Variants in ATP2A2 observed in about 807,000 individuals in gnomAD.
ATP2A2 encodes the protein sarcoplasmic/endoplasmic reticulum calcium ATPase 2.
In ATP2A2, 14 loss-of-function variants were observed where a neutral mutation model predicts 109.3. The observed-to-expected ratio is 0.13, with a 90% confidence interval of 0.08 to 0.20. ATP2A2 has a LOEUF of 0.20. Ranked by LOEUF, ATP2A2 falls within the 10% of genes least tolerant of loss-of-function variation. ATP2A2 has a pLI of 1.00. For synonymous variants in ATP2A2, 506 were observed against 490.9 expected (o/e 1.03, Z -0.41); for missense variants, 657 against 1,321.6 (o/e 0.50, Z 7.80).
chr12:110,347,950 A>C lies in ATP2A2; in HGVS notation c.*1480A>C, dbSNP rs1382301675. ...ACCGGGGTTGCCTGTGGCGCCTGCC[A>C]TGTGACTCGGGCGCAGCATCAGCTG... On this transcript the variant is annotated 3_prime_UTR_variant, in exon 20 of 20. Transcript: ENST00000539276. 2 of 987,458 alleles carry C rather than the reference A, an allele frequency of 2.0e-6. No individual in the cohort carries two copies. Among genetic ancestry groups the C allele is most frequent in the Non-Finnish European group, 1.2e-6 (1 of 831,318 alleles). 61.2% of individuals were successfully genotyped at this position (987,458 alleles called of 1,614,324 possible). A position where few individuals can be genotyped will look rare whatever the true frequency, so the allele number is the denominator to read the frequency against.
chr12:110,295,256 A>G (rs779826476), intron 4 of ATP2A2, among the ~76,000 whole-genome samples: 9 of 152,138 alleles, frequency 5.9e-5, no homozygotes, highest in Admixed American at 6.5e-5. Flanking sequence ...TCTGCCTCGC[A>G]GGCTTAGTGA....
At chr12:110,335,277 G>A (rs780265086) in intron 11 of ATP2A2, among the ~76,000 whole-genome samples, 13 of 152,158 alleles carry the variant, frequency 8.5e-5, no homozygotes, top group South Asian at 4.1e-4. Context: ...ACTTTGCAAC[G>A]GCTGCTGGTG....
chr12:110,335,627 T>C (rs1360775194), intron 11 of ATP2A2, among the ~76,000 whole-genome samples: 1 of 152,206 alleles, frequency 6.6e-6, no homozygotes, highest in Non-Finnish European at 1.5e-5. Flanking sequence ...AGATAAGATG[T>C]TGCAATACAC....
rs1051124295 is a variant in ATP2A2, at chr12:110,286,149, C to T, written c.219+3354C>T. Among the ~76,000 whole-genome samples the T allele has an allele frequency of 2.0e-5, 3 of 152,112 alleles. No individual in the cohort carries two copies. The East Asian group carries it at 5.8e-4, about 29-fold the overall frequency. The stretch of plus-strand genomic sequence containing the variant: ...TTGTTGGCCAGGCTGGTCTCGAACT[C>T]CTGACCTCAGGTTATCACCTGCCTC... On this transcript the variant is annotated intron_variant, in intron 3 of 19. Transcript: ENST00000539276.
chr12:110,328,641 CACTT>C (rs1262957871), intron 8 of ATP2A2, among the ~76,000 whole-genome samples: 5 of 152,198 alleles, frequency 3.3e-5, no homozygotes, highest in African/African-American at 1.2e-4. Context: ...AGCTGTGGCT[CACTT>C]ACAGCCTCAA....
Position 110,344,920 on chromosome 12 carries a change from A to C in ATP2A2, c.2556A>C (p.Ala852=), listed in dbSNP as rs201414100. The part of the protein sequence containing the change: ...YVGAATVGAA[A]WWFIAADGGP... ...GCGCTGCTACCGTGGGTGCTGCTGC[A>C]TGGTGGTTCATTGCTGCTGACGGTG... The change falls in exon 17 of 20, where the codon GCA becomes GCC. Residue 852 remains alanine (A), a synonymous_variant. Coordinates refer to ENST00000539276, the MANE Select transcript of ATP2A2 (RefSeq NM_170665.4). 226 of 1,614,098 alleles carry C rather than the reference A, an allele frequency of 1.4e-4. No homozygotes were observed. Among genetic ancestry groups the C allele is most frequent in the Non-Finnish European group, 1.8e-4 (216 of 1,180,018 alleles).
chr12:110,336,257 G>T (rs1167390711), intron 11 of ATP2A2, among the ~76,000 whole-genome samples: 1 of 152,162 alleles, frequency 6.6e-6, no homozygotes, highest in Non-Finnish European at 1.5e-5. Flanking sequence ...AAGGGGAGAG[G>T]TTCTGCCTGC....
At position 110,345,068 on chromosome 12, in the gene ATP2A2, C is replaced by T. The variant is rs1043815861; in HGVS notation, c.2607+97C>T. The T allele has an allele frequency of 2.7e-6, 4 of 1,499,358 alleles. No individual in the cohort carries two copies. The African/African-American group carries it at 5.5e-5, about 21-fold the overall frequency. The allele number at this position is 1,499,358 out of a possible 1,614,324, so 92.9% of individuals were successfully genotyped here. ...GTATCTATCAAATCATCTTAAGACT[C>T]AGACAATAAACAGTTACATCTAAGA... On this transcript the variant is annotated intron_variant, in intron 17 of 19. Coordinates refer to ENST00000539276, the MANE Select transcript of ATP2A2 (RefSeq NM_170665.4).
rs2137865019 is a variant in ATP2A2, at chr12:110,343,376, G to C, written c.2463G>C (p.Arg821=). 4 of 1,614,138 alleles carry C rather than the reference G, an allele frequency of 2.5e-6. No individual in the cohort carries two copies. In the South Asian group the frequency reaches 4.4e-5, roughly 18 times the overall value. The change falls in exon 16 of 20, where the codon CGG becomes CGC. Residue 821 remains arginine, a synonymous_variant. Coordinates refer to ENST00000539276, the MANE Select transcript of ATP2A2 (RefSeq NM_170665.4). ...PDLDIMNKPP[R]NPKEPLISGW... is the part of the protein sequence containing the mutation. ...TGGACATCATGAATAAACCTCCCCGGAACCCAAAGGAACCATTGATCAGCG... is the reference window on the plus strand; with the variant it reads ...TGGACATCATGAATAAACCTCCCCGCAACCCAAAGGAACCATTGATCAGCG...
intron 3 of ATP2A2, among the ~76,000 whole-genome samples, chr12:110,286,149 C>G (rs1051124295): frequency 1.3e-5 from 2 of 152,112 alleles, no homozygotes; most frequent in Non-Finnish European, 2.9e-5. Context: ...GTCTCGAACT[C>G]CTGACCTCAG....
At chr12:110,308,889 CTGGAG>C (rs1875671173) in intron 5 of ATP2A2, among the ~76,000 whole-genome samples, 9 of 152,090 alleles carry the variant, frequency 5.9e-5, no homozygotes, top group Admixed American at 5.9e-4. Context: ...TGTTGGAAAA[CTGGAG>C]AGTGTTGTAA....
At position 110,349,303 on chromosome 12, in the gene ATP2A2, G is replaced by A. The variant is rs78135790; in HGVS notation, c.*2833G>A. The A allele has an allele frequency of 3.1e-4, 302 of 985,524 alleles. 1 individual carries two copies. The African/African-American group carries it at 4.8e-3, about 16-fold the overall frequency. 61.0% of individuals were successfully genotyped at this position (985,524 alleles called of 1,614,324 possible). A position where few individuals can be genotyped will look rare whatever the true frequency, so the allele number is the denominator to read the frequency against. ...AGTGAGGCAGCAGCTGCCCAGCCCC[G>A]CAATGTGCCTGCTGTCAGGCAGCTC... On this transcript the variant is annotated 3_prime_UTR_variant, in exon 20 of 20. Transcript: ENST00000539276.
Position 110,323,050 on chromosome 12 carries a change from A to G in ATP2A2, c.522A>G (p.Arg174=). The G allele has an allele frequency of 6.2e-7, 1 of 1,611,042 alleles. No homozygotes were observed. Among genetic ancestry groups the G allele is most frequent in the Non-Finnish European group, 8.5e-7 (1 of 1,177,178 alleles). The change falls in exon 6 of 20, where the codon AGA becomes AGG. Residue 174 remains arginine (R), a synonymous_variant. Transcript: ENST00000539276. ...RLTSIKSTTL[R]VDQSILTGES... ...CTTCCATCAAATCTACCACACTAAG[A>G]GTTGACCAGTCAATTCTCACAGGTA...
chr12:110,299,741 TC>T (rs1874351895), intron 5 of ATP2A2, among the ~76,000 whole-genome samples: 1 of 152,138 alleles, frequency 6.6e-6, no homozygotes, highest in Non-Finnish European at 1.5e-5. Flanking sequence ...CACCTCAGTC[TC>T]CTGAAAAACT....
intron 6 of ATP2A2, 120 bp downstream of exon 6, chr12:110,323,192 C>G: frequency 1.2e-6 from 1 of 825,404 alleles, no homozygotes; most frequent in Admixed American, 1.9e-5. Flanking sequence ...CTCTAAGATA[C>G]TTATTTCTTA....
chr12:110,347,175 T>TTA lies in ATP2A2; in HGVS notation c.*707_*708dup. On this transcript the variant is annotated 3_prime_UTR_variant, in exon 20 of 20. Transcript: ENST00000539276. The stretch of plus-strand genomic sequence containing the variant: ...TTGTTCCAGATTCAATCGACTGGGT[T>TTA]TATGTCCCTTCACATAGTTTTTAAG... The TTA allele has an allele frequency of 8.4e-7, 1 of 1,191,372 alleles. No homozygotes were observed. The highest frequency in any genetic ancestry group is 1.6e-5 in the South Asian group (1 of 63,024). 73.8% of individuals were successfully genotyped at this position (1,191,372 alleles called of 1,614,324 possible).
intron 6 of ATP2A2, among the ~76,000 whole-genome samples, chr12:110,324,144 A>G (rs988162004): frequency 2.0e-5 from 3 of 152,204 alleles, no homozygotes; most frequent in African/African-American, 7.2e-5. Context: ...TTTAAATACA[A>G]TGCTAACTTG....
upstream of ATP2A2, chr12:110,280,914 C>G (rs990961772): frequency 1.3e-5 from 2 of 152,652 alleles, no homozygotes; most frequent in Admixed American, 1.3e-4. Flanking sequence ...CATCCGCCCA[C>G]CGGCCCCAGA....
chr12:110,299,122 A>C (rs1410202030), intron 5 of ATP2A2, among the ~76,000 whole-genome samples: 1 of 152,050 alleles, frequency 6.6e-6, no homozygotes, highest in South Asian at 2.1e-4. Flanking sequence ...GGCATGAGCA[A>C]CCAAGCTCCT....
Sources: allele counts gnomAD v4.1 joint callset (sites outside exome capture counted in the v4.1 genomes callset), GRCh38; gene constraint gnomAD v4.1.1; transcripts MANE v1.5; gene names NCBI Gene and HGNC (gene_info 2026-07-23, HGNC 2026-07-21).